The following OGFR variants were observed in gnomAD, a reference collection of about 807,000 sequenced individuals.
The protein encoded by OGFR is opioid growth factor receptor.
OGFR carries 18 observed loss-of-function variants against 33.6 expected under a neutral mutation model. That is an observed-to-expected ratio of 0.54 (90% CI 0.37 to 0.80). OGFR has a LOEUF of 0.80. OGFR is among the 30% of genes least tolerant of loss of function. The pLI is 0.00. For missense variants in OGFR, 877 were observed against 955.8 expected, an observed-to-expected ratio of 0.92 and a Z score of 1.09; for synonymous variants, 370 against 400.7, an observed-to-expected ratio of 0.92 and a Z score of 0.91.
In OGFR at chr20:62,812,492, C is replaced by G; in HGVS notation, c.877C>G (p.Arg293Gly). The G allele has an allele frequency of 6.3e-7, 1 of 1,581,146 alleles. No individual in the cohort carries two copies. The highest frequency in any genetic ancestry group is 2.3e-5 in the East Asian group (1 of 43,120). ...KFVWGPQDKL[R>G]RFKPSSLPHP... ...CGTCTGGGGGCCCCAAGACAAGCTG[C>G]GGAGGTTCAAGCCCAGCTCTCTGCC... is the stretch of plus-strand genomic sequence containing the variant. Residue 293 changes from arginine to glycine, a missense_variant, in exon 7 of 7, where the codon CGG (arginine) becomes GGG (glycine). Arg to Gly is a moderately radical substitution (Grantham distance 125, BLOSUM62 -2). Transcript: ENST00000290291.
chr20:62,813,669 C>A lies in OGFR; in HGVS notation c.*20C>A. The A allele has an allele frequency of 6.2e-7, 1 of 1,609,456 alleles. No homozygotes were observed. Among genetic ancestry groups the A allele is most frequent in the Non-Finnish European group, 8.5e-7 (1 of 1,177,616 alleles). On this transcript the variant is annotated 3_prime_UTR_variant, in exon 7 of 7. Transcript: ENST00000290291. ...CCTTAAGGAAAGGAGTGCCCGTCGG[C>A]GTCTTGGTCCTCCTGTCCCTGCTGC...
rs372949608 is a variant in OGFR, at chr20:62,806,538, G to A, written c.172-999G>A. Reference sequence around the variant, plus strand: ...GCAGTGAGTGGAGATTGCCTGGGAGGTGGAGATTGCATGAAGCTCCATCTC... The same window carrying A: ...GCAGTGAGTGGAGATTGCCTGGGAGATGGAGATTGCATGAAGCTCCATCTC... On this transcript the variant is annotated intron_variant, in intron 1 of 6. Transcript: ENST00000290291. The A allele has an allele frequency of 4.6e-5, 7 of 151,918 alleles. No homozygotes were observed. In the East Asian group the frequency reaches 1.2e-3, roughly 25 times the overall value. The allele number at this position is 151,918 out of a possible 1,614,324, so 9.4% of individuals were successfully genotyped here.
At chr20:62,805,310 C>T (rs1456492442) in intron 1 of OGFR, among the ~76,000 whole-genome samples, 1 of 151,600 alleles carries the variant, frequency 6.6e-6, no homozygotes, top group African/African-American at 2.4e-5. Flanking sequence ...CGCCCCCAGC[C>T]GCCGTGGCCG....
At chr20:62,810,640 G>A (rs376483190) in intron 5 of OGFR, 75 bp downstream of exon 5, 2 of 1,440,500 alleles carry the variant, frequency 1.4e-6, no homozygotes, top group Non-Finnish European at 9.7e-7. Flanking sequence ...CAGAGACGGG[G>A]TCGCCTCTGG....
intron 1 of OGFR, 49 bp from the exon 2 acceptor site, chr20:62,807,488 A>C: frequency 6.4e-7 from 1 of 1,564,158 alleles, no homozygotes; most frequent in Non-Finnish European, 8.8e-7. Flanking sequence ...GTTGGGACTC[A>C]CTTGGGGGTC....
intron 4 of OGFR, 41 bp from the exon 5 acceptor site, chr20:62,810,458 G>A (rs761408639): frequency 1.2e-5 from 19 of 1,603,574 alleles, no homozygotes; most frequent in African/African-American, 2.7e-5. Flanking sequence ...GTCTGGAAGC[G>A]GCTCTCCTAA....
At chr20:62,811,649 C>T (rs1458352098) in intron 6 of OGFR, 39 bp downstream of exon 6, 1 of 1,517,952 alleles carries the variant, frequency 6.6e-7, no homozygotes, top group Non-Finnish European at 8.8e-7. Flanking sequence ...CACCCCGGCG[C>T]AGAACAGGGC....
At chr20:62,809,475 TG>T in intron 3 of OGFR, 109 bp from the exon 4 acceptor site, 1 of 806,108 alleles carries the variant, frequency 1.2e-6, no homozygotes, top group Non-Finnish European at 2.2e-6. Flanking sequence ...AGGAATAGCT[TG>T]GGGAAGCTGC....
chr20:62,805,250 C>T (rs1208548954), intron 1 of OGFR, among the ~76,000 whole-genome samples: 3 of 151,860 alleles, frequency 2.0e-5, no homozygotes, highest in African/African-American at 7.2e-5. Flanking sequence ...GCCTCCCGGG[C>T]CCCATCGTGT....
At chr20:62,807,142 G>T in intron 1 of OGFR, 1 of 250,244 alleles carries the variant, frequency 4.0e-6, no homozygotes. Flanking sequence ...GCACAGAACA[G>T]AGGCTAAAGC....
At chr20:62,809,846 G>T (rs1052823453) in intron 4 of OGFR, among the ~76,000 whole-genome samples, 183 bp downstream of exon 4, 12 of 152,252 alleles carry the variant, frequency 7.9e-5, no homozygotes, top group African/African-American at 2.9e-4. Context: ...CTGAGGGAAG[G>T]CTCAGGTCTG....
intron 5 of OGFR, among the ~76,000 whole-genome samples, 199 bp from the exon 6 acceptor site, chr20:62,811,263 C>T (rs1990721730): frequency 1.3e-5 from 2 of 152,158 alleles, no homozygotes. Context: ...ACTCGGGAGG[C>T]AGAGGTTGCA....
chr20:62,810,157 G>A (rs1026513093), intron 4 of OGFR, among the ~76,000 whole-genome samples: 9 of 150,324 alleles, frequency 6.0e-5, no homozygotes, highest in African/African-American at 1.5e-4. Context: ...GGTGTGTGAC[G>A]TGTCATGAGT....
chr20:62,811,624 G>GCGGGGGGC lies in OGFR; in HGVS notation c.614+15_614+16insGGGGGGCC. On this transcript the variant is annotated intron_variant, in intron 6 of 6. Coordinates refer to ENST00000290291, the MANE Select transcript of OGFR (RefSeq NM_007346.4). ...GAACCTGAACTGGTGAGGCCCGGCT[G>GCGGGGGGC]CTCCCGCCCACCCCCACCCCGGCGC... The GCGGGGGGC allele has an allele frequency of 6.4e-7, 1 of 1,551,456 alleles. No homozygotes were observed. Among genetic ancestry groups the GCGGGGGGC allele is most frequent in the Non-Finnish European group, 8.7e-7 (1 of 1,147,356 alleles).
At chr20:62,808,384 C>A in intron 3 of OGFR, 59 bp downstream of exon 3, 1 of 1,279,936 alleles carries the variant, frequency 7.8e-7, no homozygotes, top group Non-Finnish European at 1.1e-6. Flanking sequence ...CAGGGGTGGT[C>A]CACTGGGCCC....
intron 2 of OGFR, 70 bp downstream of exon 2, chr20:62,807,675 A>G (rs1246814120): frequency 1.3e-6 from 2 of 1,500,782 alleles, no homozygotes; most frequent in Non-Finnish European, 1.8e-6. Context: ...AGAATGTCCC[A>G]GGTTCTACTG....
chr20:62,808,379 G>A (rs1990645318), intron 3 of OGFR, 54 bp downstream of exon 3: 2 of 1,336,444 alleles, frequency 1.5e-6, no homozygotes, highest in Non-Finnish European at 2.2e-6. Context: ...CCTGGCAGGG[G>A]TGGTCCACTG....
Position 62,812,880 on chromosome 20 carries a change from G to T in OGFR, c.1265G>T (p.Gly422Val), listed in dbSNP as rs921271048. The change falls in exon 7 of 7, where the codon GGC becomes GTC. Residue 422 changes from glycine to valine, a missense_variant. Around this residue, in one of 3 missense-constraint regions of OGFR, gnomAD observed 760 missense variants for 736.0 expected, o/e 1.03. Transcript: ENST00000290291. ...TTGGAGGGGTGTGCCCTCAGCCAGG[G>T]CAGCCTCAGGACGGGGACCCAGGAA... Reference protein sequence around the residue: ...LNLEGCALSQGSLRTGTQEVG... With the variant: ...LNLEGCALSQVSLRTGTQEVG... The T allele has an allele frequency of 3.7e-6, 6 of 1,612,580 alleles. No homozygotes were observed. In the Admixed American group the frequency reaches 8.3e-5, roughly 22 times the overall value.
In OGFR at chr20:62,812,435, G is replaced by C; in HGVS notation, c.820G>C (p.Ala274Pro). The change falls in exon 7 of 7, where the codon GCC becomes CCC. Residue 274 changes from alanine (A) to proline (P), a missense_variant. Ala to Pro is a conservative substitution (Grantham distance 27, BLOSUM62 -1). This residue lies in a region of OGFR where 760 missense variants were observed against 736.0 expected (regional missense o/e 1.03). Transcript: ENST00000290291. ...CCAGCGCCGCCAGCTGGTGCACTTC[G>C]CCTGGGAGCACTTCCGGCCCCGCTG... is the stretch of plus-strand genomic sequence containing the variant. Reference protein sequence around the residue: ...RHQRRQLVHFAWEHFRPRCKF... With the variant: ...RHQRRQLVHFPWEHFRPRCKF... The C allele has an allele frequency of 4.4e-6, 7 of 1,582,826 alleles. No individual in the cohort carries two copies. Among genetic ancestry groups the C allele is most frequent in the Non-Finnish European group, 6.0e-6 (7 of 1,164,870 alleles).
Sources: allele counts gnomAD v4.1 joint callset (sites outside exome capture counted in the v4.1 genomes callset), GRCh38; gene constraint gnomAD v4.1.1; regional missense constraint gnomAD v4.1.1; transcripts MANE v1.5; gene names NCBI Gene and HGNC (gene_info 2026-07-23, HGNC 2026-07-21).